DLG2: variants seen among roughly 807,000 people sequenced by gnomAD.
The protein encoded by DLG2 is discs large MAGUK scaffold protein 2.
Under a neutral mutation model 132.5 loss-of-function variants are expected in DLG2, and 45 were observed. The ratio of observed to expected loss-of-function variants is 0.34; its 90% CI spans 0.27 to 0.44. DLG2 has a LOEUF of 0.44. Ranked by LOEUF, DLG2 falls within the 20% of genes least tolerant of loss-of-function variation. DLG2 has a pLI of 1.00. For missense variants in DLG2, 1,045 were observed against 1,196.9 expected (o/e 0.87, Z 1.87); for synonymous variants, 424 against 419.6 (o/e 1.01, Z -0.13).
chr11:84,906,723 G>A (rs574060129), intron 6 of DLG2, among the ~76,000 whole-genome samples: 2 of 151,928 alleles, frequency 1.3e-5, no homozygotes, highest in South Asian at 2.1e-4. Context: ...TGGGCAGGGG[G>A]AAAAAAATGG....
chr11:85,247,574 T>A (rs1463629849), intron 4 of DLG2, among the ~76,000 whole-genome samples: 2 of 151,990 alleles, frequency 1.3e-5, no homozygotes. Context: ...ATAAAAAAAA[T>A]TATTCAATTT....
chr11:84,110,719 T>C (rs554528988), intron 9 of DLG2, among the ~76,000 whole-genome samples: 46 of 152,236 alleles, frequency 3.0e-4, no homozygotes, highest in South Asian at 2.1e-3. Context: ...AGAGGAGCCA[T>C]TGGGGCAAAC....
At chr11:83,495,384 C>G (rs1161256844) in intron 21 of DLG2, among the ~76,000 whole-genome samples, 1 of 152,100 alleles carries the variant, frequency 6.6e-6, no homozygotes, top group Non-Finnish European at 1.5e-5. Context: ...CAAAAACAAT[C>G]TAATTTTGGA....
intron 15 of DLG2, among the ~76,000 whole-genome samples, chr11:83,922,247 T>C (rs549503519): frequency 6.6e-6 from 1 of 152,274 alleles, no homozygotes; most frequent in African/African-American, 2.4e-5. Flanking sequence ...GGGTATTTCT[T>C]TCCATGTAAA....
At chr11:84,107,255 G>A (rs1039418157) in intron 9 of DLG2, among the ~76,000 whole-genome samples, 1 of 151,850 alleles carries the variant, frequency 6.6e-6, no homozygotes, top group Admixed American at 6.6e-5. Context: ...CCCACCATAG[G>A]TACTACTTAA....
chr11:84,820,548 T>C (rs1032832069), intron 6 of DLG2, among the ~76,000 whole-genome samples: 3 of 151,854 alleles, frequency 2.0e-5, no homozygotes, highest in Admixed American at 2.0e-4. Context: ...TCCAAACTTA[T>C]CCTCAAATTT....
chr11:84,590,187 A>T (rs1191703377), intron 6 of DLG2, among the ~76,000 whole-genome samples: 1 of 152,204 alleles, frequency 6.6e-6, no homozygotes, highest in Non-Finnish European at 1.5e-5. Context: ...GCAAATAGTA[A>T]TTAGTGTGTA....
rs572657131 is a variant in DLG2 at position 83,757,740 on chromosome 11, T to C, written c.1825+28950A>G. On this transcript the variant is annotated intron_variant, in intron 18 of 27. Coordinates refer to ENST00000376104, the MANE Select transcript of DLG2 (RefSeq NM_001142699.3). The stretch of plus-strand genomic sequence containing the variant: ...AAGCTTCTCTGACTTCACACACACA[T>C]ATACACACTCATACATGCACATTCC... Among the ~76,000 whole-genome samples the C allele has an allele frequency of 3.3e-5, 5 of 152,266 alleles. No homozygotes were observed. In the South Asian group the frequency reaches 8.3e-4, roughly 25 times the overall value.
At chr11:83,802,541 TTTAAAC>T (rs1291287919) in intron 17 of DLG2, among the ~76,000 whole-genome samples, 1 of 152,198 alleles carries the variant, frequency 6.6e-6, no homozygotes, top group Admixed American at 6.6e-5. Flanking sequence ...TTATTCTTTA[TTTAAAC>T]TTAGTTTTTT....
intron 6 of DLG2, among the ~76,000 whole-genome samples, chr11:85,002,816 A>G (rs919784491): frequency 1.3e-5 from 2 of 151,934 alleles, no homozygotes; most frequent in Non-Finnish European, 2.9e-5. Flanking sequence ...CCTCTGAGAT[A>G]GCAAGACCGA....
At chr11:84,026,137 G>C (rs141933150) in intron 11 of DLG2, among the ~76,000 whole-genome samples, 1 of 152,168 alleles carries the variant, frequency 6.6e-6, no homozygotes, top group African/African-American at 2.4e-5. Flanking sequence ...GAAAATAGTA[G>C]AGGCACCAAG....
intron 4 of DLG2, among the ~76,000 whole-genome samples, chr11:85,223,587 T>C (rs1292650988): frequency 2.0e-5 from 3 of 152,102 alleles, no homozygotes; most frequent in Non-Finnish European, 4.4e-5. Context: ...TGCAGTGAAC[T>C]GAAATAATGC....
At chr11:85,474,021 T>C (rs1597673401) in intron 3 of DLG2, among the ~76,000 whole-genome samples, 2 of 152,048 alleles carry the variant, frequency 1.3e-5, no homozygotes, top group African/African-American at 2.4e-5. Context: ...ACTTAAAATA[T>C]AGATAGTCAT....
rs995255221 is a variant in DLG2 at position 85,537,977 on chromosome 11, G to A, written c.40+60680C>T. 2.6e-4 allele frequency among the ~76,000 whole-genome samples: 39 copies of A among 151,912 alleles called. 1 individual carries two copies. In the South Asian group the frequency reaches 3.7e-3, roughly 15 times the overall value. On this transcript the variant is annotated intron_variant, in intron 3 of 27. Transcript: ENST00000376104. Reference sequence around the variant, plus strand: ...TAAAAATACAAAATATTAGCAGGGCGTGGTGGCAGGCACCTGTAATCCCAG... The same window carrying A: ...TAAAAATACAAAATATTAGCAGGGCATGGTGGCAGGCACCTGTAATCCCAG...
chr11:84,437,076 C>T (rs583862), intron 7 of DLG2, among the ~76,000 whole-genome samples: 58,437 of 152,126 alleles, frequency 0.38, 17,643 homozygotes, highest in African/African-American at 0.84. Context: ...CAAGCATAAA[C>T]TGCAGCTGCT....
At chr11:85,053,770 C>G (rs975834976) in intron 6 of DLG2, among the ~76,000 whole-genome samples, 14 of 136,484 alleles carry the variant, frequency 1.0e-4, no homozygotes, top group African/African-American at 3.9e-4. Flanking sequence ...GCACTCCAGC[C>G]TGGGCGACAG....
At chr11:84,731,819 C>G (rs992304281) in intron 6 of DLG2, among the ~76,000 whole-genome samples, 2 of 152,088 alleles carry the variant, frequency 1.3e-5, no homozygotes, top group East Asian at 1.9e-4. Context: ...ACATTTAAAT[C>G]TGGTAATTTT....
intron 7 of DLG2, among the ~76,000 whole-genome samples, chr11:84,528,443 A>G (rs1469560): frequency 0.056 from 8,524 of 152,264 alleles, 287 homozygotes; most frequent in South Asian, 0.1. Context: ...CAAGTAATAC[A>G]CGACGATGGA....
intron 6 of DLG2, among the ~76,000 whole-genome samples, chr11:84,547,249 GA>G (rs1436123688): frequency 6.6e-6 from 1 of 152,002 alleles, no homozygotes; most frequent in Non-Finnish European, 1.5e-5. Context: ...TGGAAGAATA[GA>G]AAAAACTAAA....
Sources: allele counts gnomAD v4.1 joint callset (sites outside exome capture counted in the v4.1 genomes callset), GRCh38; gene constraint gnomAD v4.1.1; transcripts MANE v1.5; gene names NCBI Gene and HGNC (gene_info 2026-07-23, HGNC 2026-07-21).